ZNF257: variants seen among roughly 807,000 people sequenced by gnomAD.
The protein encoded by ZNF257 is zinc finger protein 257.
In ZNF257, 12 loss-of-function variants were observed where a neutral mutation model predicts 11.9. The observed-to-expected ratio is 1.01, with a 90% CI of 0.65 to 1.63. The LOEUF (loss-of-function observed/expected upper bound fraction) is 1.63. Ranked by LOEUF, ZNF257 falls within the 40% of genes most tolerant of loss-of-function variation. The pLI is 0.00. For synonymous variants in ZNF257, 183 were observed against 222.7 expected, an observed-to-expected ratio of 0.82 and a Z score of 1.59; for missense variants, 580 against 665.5, an observed-to-expected ratio of 0.87 and a Z score of 1.41.
At chr19:22,072,972 C>G in intron 2 of ZNF257, 37 bp downstream of exon 2, 2 of 1,512,284 alleles carry the variant, frequency 1.3e-6, no homozygotes, top group South Asian at 1.4e-5. Context: ...CTAATATACT[C>G]CAAAGGCTTT....
At chr19:22,083,518 T>A (rs2022405240) in intron 3 of ZNF257, among the ~76,000 whole-genome samples, 1 of 152,162 alleles carries the variant, frequency 6.6e-6, no homozygotes, top group African/African-American at 2.4e-5. Context: ...TATTGTTCAT[T>A]TTTACTTGTC....
chr19:22,053,101 T>G (rs1599655578), intron 1 of ZNF257, among the ~76,000 whole-genome samples: 1 of 152,266 alleles, frequency 6.6e-6, no homozygotes, highest in Middle Eastern at 3.4e-3. Flanking sequence ...CCGGGCGCGG[T>G]GGCACACGCC....
intron 1 of ZNF257, chr19:22,064,396 G>A (rs2145692658): frequency 6.6e-6 from 1 of 152,208 alleles, no homozygotes; most frequent in Admixed American, 6.5e-5. Context: ...CAGATTCATT[G>A]CTTTGTTTTT....
At chr19:22,082,726 G>C (rs887937207) in intron 3 of ZNF257, among the ~76,000 whole-genome samples, 1 of 152,010 alleles carries the variant, frequency 6.6e-6, no homozygotes, top group Non-Finnish European at 1.5e-5. Context: ...TCGACTTGAT[G>C]CTGTCCAATA....
intron 1 of ZNF257, among the ~76,000 whole-genome samples, chr19:22,058,344 ACATAACTAT>A (rs1394418460): frequency 6.6e-6 from 1 of 152,054 alleles, no homozygotes; most frequent in Non-Finnish European, 1.5e-5. Flanking sequence ...TAACTGGTCA[ACATAACTAT>A]GTTGTTTTGC....
intron 1 of ZNF257, among the ~76,000 whole-genome samples, chr19:22,062,062 A>ATTTT (rs57092171): frequency 5.1e-4 from 71 of 139,864 alleles, no homozygotes; most frequent in Admixed American, 1.7e-3. Flanking sequence ...TTTGCTGAGG[A>ATTTT]TTTTTTTTTT....
chr19:22,062,334 C>T (rs2021825081), intron 1 of ZNF257, among the ~76,000 whole-genome samples: 2 of 151,268 alleles, frequency 1.3e-5, no homozygotes, highest in Admixed American at 1.3e-4. Context: ...CCAAATTGAC[C>T]AGGCTGGTCT....
In ZNF257 at chr19:22,053,300, A is replaced by G. The variant is rs577835819; in HGVS notation, c.3+665A>G. On this transcript the variant is annotated intron_variant, in intron 1 of 3. Transcript: ENST00000594947. ...GGAGAATCGCTTGAACCAGGAAGTC[A>G]GAGGTTGCAGTGAGCCGAGATGGCG... Among the ~76,000 whole-genome samples, 799 of 139,558 alleles carry G rather than the reference A, an allele frequency of 5.7e-3. 2 individuals are homozygous for G. The highest frequency in any genetic ancestry group is 0.019 in the African/African-American group (733 of 38,286). The allele number at this position is 139,558 out of a possible 152,430, so 91.6% of individuals were successfully genotyped here. A position where few individuals can be genotyped will look rare whatever the true frequency, so the allele number is the denominator to read the frequency against.
At chr19:22,077,683 T>A (rs79593901) in intron 3 of ZNF257, among the ~76,000 whole-genome samples, 3,513 of 152,248 alleles carry the variant, frequency 0.023, 149 homozygotes, top group African/African-American at 0.081. Context: ...ACATTTGGGT[T>A]GCTTCAGCCT....
chr19:22,072,708 C>A, intron 1 of ZNF257, 101 bp from the exon 2 acceptor site: 1 of 1,392,188 alleles, frequency 7.2e-7, no homozygotes, highest in Non-Finnish European at 9.8e-7. Context: ...TAAGGCAGAA[C>A]CTGTTCTCTC....
At chr19:22,083,880 C>T (rs1790907393) in intron 3 of ZNF257, among the ~76,000 whole-genome samples, 1 of 152,060 alleles carries the variant, frequency 6.6e-6, no homozygotes, top group South Asian at 2.1e-4. Context: ...TAGCTCACGC[C>T]TGTAATCCCA....
At chr19:22,068,302 C>G (rs10411576) in intron 1 of ZNF257, among the ~76,000 whole-genome samples, 15,800 of 151,708 alleles carry the variant, frequency 0.1, 2,788 homozygotes, top group African/African-American at 0.36. Flanking sequence ...TCTGTGTTGC[C>G]TCGGGTTTTT....
chr19:22,078,194 C>T (rs972956110), intron 3 of ZNF257, among the ~76,000 whole-genome samples: 15 of 145,980 alleles, frequency 1.0e-4, no homozygotes, highest in African/African-American at 3.6e-4. Flanking sequence ...ACTGAGATCT[C>T]GCCACTGCAC....
intron 3 of ZNF257, among the ~76,000 whole-genome samples, chr19:22,081,912 A>C (rs2022367963): frequency 6.6e-6 from 1 of 152,018 alleles, no homozygotes; most frequent in Admixed American, 6.6e-5. Flanking sequence ...TCTTATAGAT[A>C]TGTTTTTTCT....
chr19:22,082,344 C>A (rs907564231), intron 3 of ZNF257, among the ~76,000 whole-genome samples: 38 of 151,988 alleles, frequency 2.5e-4, no homozygotes, highest in Non-Finnish European at 1.0e-4. Flanking sequence ...GGACTCGTAG[C>A]ATTTCTTTGT....
At chr19:22,071,906 G>A (rs2022111873) in intron 1 of ZNF257, among the ~76,000 whole-genome samples, 1 of 152,024 alleles carries the variant, frequency 6.6e-6, no homozygotes, top group African/African-American at 2.4e-5. Context: ...TTTATTTAAG[G>A]AGGATGGCAT....
chr19:22,085,249 C>A (rs531931288), intron 3 of ZNF257, among the ~76,000 whole-genome samples: 1 of 150,346 alleles, frequency 6.7e-6, no homozygotes, highest in Admixed American at 6.6e-5. Flanking sequence ...ACCACCACAC[C>A]TGGCTAATTT....
chr19:22,062,751 T>C (rs1195938141), intron 1 of ZNF257, among the ~76,000 whole-genome samples: 1 of 152,148 alleles, frequency 6.6e-6, no homozygotes, highest in Non-Finnish European at 1.5e-5. Flanking sequence ...AAAGAGCTAT[T>C]ACAGGTGTGA....
At chr19:22,059,617 A>G (rs1316395856) in intron 1 of ZNF257, among the ~76,000 whole-genome samples, 2 of 144,864 alleles carry the variant, frequency 1.4e-5, no homozygotes, top group Non-Finnish European at 3.0e-5. Context: ...CCACGTTGCT[A>G]CAAAGGACAT....
Sources: allele counts gnomAD v4.1 joint callset (sites outside exome capture counted in the v4.1 genomes callset), GRCh38; gene constraint gnomAD v4.1.1; transcripts MANE v1.5; gene names NCBI Gene and HGNC (gene_info 2026-07-23, HGNC 2026-07-21).